The following PXDNL variants were observed in gnomAD, a reference collection of about 807,000 sequenced individuals.
PXDNL encodes peroxidasin like.
Under a neutral mutation model 150.8 loss-of-function variants are expected in PXDNL, and 145 were observed. The observed-to-expected ratio is 0.96, with a 90% CI of 0.84 to 1.10. PXDNL has a LOEUF of 1.10. Ranked by LOEUF, PXDNL falls within the 50% of genes least tolerant of loss-of-function variation. The pLI is 0.00. For synonymous variants in PXDNL, 757 were observed against 725.7 expected (o/e 1.04, Z -0.69); for missense variants, 2,087 against 1,873.9 (o/e 1.11, Z -2.10).
chr8:51,642,709 A>G (rs1422252743), intron 2 of PXDNL, among the ~76,000 whole-genome samples: 4 of 152,250 alleles, frequency 2.6e-5, no homozygotes, highest in Non-Finnish European at 1.5e-5. Flanking sequence ...AGGCAGGAGA[A>G]GGAAATAAAG....
chr8:51,322,191 A>C (rs778833288), intron 21 of PXDNL, among the ~76,000 whole-genome samples: 2 of 152,204 alleles, frequency 1.3e-5, no homozygotes, highest in Non-Finnish European at 2.9e-5. Context: ...AAACTGTTTT[A>C]AGTTACCCAT....
intron 5 of PXDNL, among the ~76,000 whole-genome samples, chr8:51,488,269 T>C (rs945535654): frequency 6.6e-6 from 1 of 151,994 alleles, no homozygotes; most frequent in Non-Finnish European, 1.5e-5. Flanking sequence ...TGTTGACAGA[T>C]GAAATAGGAG....
At chr8:51,680,375 G>T (rs912362878) in intron 1 of PXDNL, among the ~76,000 whole-genome samples, 4 of 152,112 alleles carry the variant, frequency 2.6e-5, no homozygotes, top group African/African-American at 7.2e-5. Flanking sequence ...TTTCATGAGT[G>T]CCTTGACAAT....
At chr8:51,784,296 C>G (rs2037441169) in intron 1 of PXDNL, among the ~76,000 whole-genome samples, 1 of 152,192 alleles carries the variant, frequency 6.6e-6, no homozygotes, top group African/African-American at 2.4e-5. Flanking sequence ...TACCAAGGAA[C>G]CAAACTGCAT....
chr8:51,435,091 G>A (rs1000470232), intron 12 of PXDNL, among the ~76,000 whole-genome samples: 1 of 152,114 alleles, frequency 6.6e-6, no homozygotes, highest in Admixed American at 6.5e-5. Flanking sequence ...GGCCGAGGCG[G>A]GCAGATCACA....
intron 14 of PXDNL, among the ~76,000 whole-genome samples, chr8:51,421,465 TAA>T (rs1173068569): frequency 1.9e-4 from 29 of 152,248 alleles, no homozygotes; most frequent in African/African-American, 7.0e-4. Context: ...TTTGGGAGGC[TAA>T]GGTGGGCAGA....
At chr8:51,751,857 G>T (rs1375888531) in intron 1 of PXDNL, among the ~76,000 whole-genome samples, 2 of 152,136 alleles carry the variant, frequency 1.3e-5, no homozygotes, top group Non-Finnish European at 2.9e-5. Context: ...TCAGCTAAGA[G>T]AAATACTTCT....
chr8:51,745,882 G>A (rs751351092), intron 1 of PXDNL, among the ~76,000 whole-genome samples: 1 of 151,718 alleles, frequency 6.6e-6, no homozygotes, highest in Non-Finnish European at 1.5e-5. Context: ...TGATTCTCCT[G>A]CCTCAGCCTC....
intron 17 of PXDNL, among the ~76,000 whole-genome samples, chr8:51,392,265 C>A (rs944057444): frequency 5.3e-5 from 8 of 152,160 alleles, no homozygotes; most frequent in African/African-American, 1.7e-4. Flanking sequence ...GTTTTTTCCA[C>A]TTCTGTGAAG....
At chr8:51,464,118 C>G (rs1032940589) in intron 8 of PXDNL, among the ~76,000 whole-genome samples, 1 of 151,834 alleles carries the variant, frequency 6.6e-6, no homozygotes, top group Non-Finnish European at 1.5e-5. Context: ...AATACCAGCA[C>G]TTTGGGAGGC....
At chr8:51,535,331 A>G (rs1812046690) in intron 4 of PXDNL, among the ~76,000 whole-genome samples, 1 of 88,746 alleles carries the variant, frequency 1.1e-5, no homozygotes, top group Non-Finnish European at 2.0e-5. Flanking sequence ...GTCTGTGTGG[A>G]TAGAAGTAGA....
At chr8:51,440,889 C>T (rs1017723581) in intron 12 of PXDNL, among the ~76,000 whole-genome samples, 3 of 152,128 alleles carry the variant, frequency 2.0e-5, no homozygotes, top group African/African-American at 7.2e-5. Context: ...ACTGCCTCTC[C>T]CCTGTGGGGC....
chr8:51,664,050 CA>C (rs59020717), intron 1 of PXDNL, among the ~76,000 whole-genome samples: 14,417 of 78,910 alleles, frequency 0.18, 1,111 homozygotes, highest in East Asian at 0.32. Flanking sequence ...GACTCTGTCT[CA>C]AAAAAAAAAA....
At chr8:51,809,089 T>A in intron 1 of PXDNL, 92 bp downstream of exon 1, 2 of 1,309,114 alleles carry the variant, frequency 1.5e-6, no homozygotes, top group Non-Finnish European at 2.2e-6. Flanking sequence ...AGGGAGAGCA[T>A]TAGGAATCGT....
At chr8:51,373,650 G>C (rs1022052896) in intron 18 of PXDNL, among the ~76,000 whole-genome samples, 2 of 152,112 alleles carry the variant, frequency 1.3e-5, no homozygotes, top group African/African-American at 2.4e-5. Flanking sequence ...TAAAGGGAAG[G>C]GATTTAAAGT....
At chr8:51,574,393 A>G (rs1813008106) in intron 3 of PXDNL, among the ~76,000 whole-genome samples, 1 of 151,978 alleles carries the variant, frequency 6.6e-6, no homozygotes, top group Admixed American at 6.6e-5. Context: ...CATAGACATT[A>G]AAATATACAC....
intron 1 of PXDNL, among the ~76,000 whole-genome samples, chr8:51,790,293 A>G (rs1161094158): frequency 6.6e-6 from 1 of 152,188 alleles, no homozygotes; most frequent in Non-Finnish European, 1.5e-5. Flanking sequence ...TTCTTTGTCA[A>G]CCACACAGGC....
At chr8:51,441,345 C>CAT (rs1809544649) in intron 12 of PXDNL, among the ~76,000 whole-genome samples, 1 of 152,118 alleles carries the variant, frequency 6.6e-6, no homozygotes, top group Non-Finnish European at 1.5e-5. Context: ...AATACAAGGT[C>CAT]CTTCATTTTC....
intron 19 of PXDNL, among the ~76,000 whole-genome samples, chr8:51,359,835 T>C (rs978580490): frequency 3.9e-5 from 6 of 151,960 alleles, no homozygotes; most frequent in Non-Finnish European, 8.8e-5. Context: ...ATCCATCCAA[T>C]TGCAATATAA....
Sources: allele counts gnomAD v4.1 joint callset (sites outside exome capture counted in the v4.1 genomes callset), GRCh38; gene constraint gnomAD v4.1.1; transcripts MANE v1.5; gene names NCBI Gene and HGNC (gene_info 2026-07-23, HGNC 2026-07-21).